SYT14: variants seen among roughly 807,000 people sequenced by gnomAD.
The protein encoded by SYT14 is synaptotagmin-14.
Under a neutral mutation model 74.2 loss-of-function variants are expected in SYT14, and 32 were observed. The observed-to-expected ratio is 0.43, with a 90% CI of 0.33 to 0.58. The LOEUF (loss-of-function observed/expected upper bound fraction) is 0.58, where lower values mean the gene tolerates loss of function less well. Among genes scored for constraint, SYT14 ranks in the 20% least tolerant of loss-of-function variants. The pLI, the probability that SYT14 is intolerant of heterozygous loss-of-function variation, is 0.05. For synonymous variants in SYT14, 298 were observed against 337.7 expected (o/e 0.88, Z 1.29); for missense variants, 791 against 981.8 (o/e 0.81, Z 2.60).
At chr1:209,988,982 C>G (rs1405658324) in intron 2 of SYT14, among the ~76,000 whole-genome samples, 1 of 152,188 alleles carries the variant, frequency 6.6e-6, no homozygotes, top group African/African-American at 2.4e-5. Flanking sequence ...CTCCTCAACA[C>G]TCACCTGACT....
intron 7 of SYT14, among the ~76,000 whole-genome samples, chr1:210,135,304 TG>T (rs748437833): frequency 1.3e-5 from 2 of 152,146 alleles, no homozygotes; most frequent in Non-Finnish European, 2.9e-5. Context: ...TTTTCCTCTG[TG>T]GTTTGATTTT....
intron 7 of SYT14, among the ~76,000 whole-genome samples, chr1:210,153,020 C>G (rs1255865810): frequency 4.6e-5 from 7 of 152,130 alleles, no homozygotes; most frequent in African/African-American, 1.4e-4. Context: ...GAACTCAGTA[C>G]AAACTATCCA....
At chr1:210,015,650 A>G (rs2080168588) in intron 3 of SYT14, 1 of 165,628 alleles carries the variant, frequency 6.0e-6, no homozygotes, top group Non-Finnish European at 1.3e-5. Flanking sequence ...CTAAAAGTAC[A>G]TAATAAAAAT....
intron 7 of SYT14, among the ~76,000 whole-genome samples, chr1:210,134,629 A>G (rs1315430171): frequency 3.9e-5 from 6 of 152,130 alleles, no homozygotes; most frequent in African/African-American, 1.4e-4. Flanking sequence ...TTTTGTCCTT[A>G]AACTCACCAT....
chr1:210,098,500 A>G (rs2082005770), intron 6 of SYT14, among the ~76,000 whole-genome samples: 1 of 152,062 alleles, frequency 6.6e-6, no homozygotes, highest in Non-Finnish European at 1.5e-5. Context: ...GCTGACCCAC[A>G]CTTCCTGTTT....
chr1:210,100,488 T>A (rs756422418), intron 7 of SYT14, 27 bp downstream of exon 6: 1 of 1,580,232 alleles, frequency 6.3e-7, no homozygotes, highest in South Asian at 1.1e-5. Context: ...ATGGCCTGAA[T>A]ACAGTTTATG....
At chr1:210,148,438 G>A (rs1446989395) in intron 7 of SYT14, among the ~76,000 whole-genome samples, 1 of 151,706 alleles carries the variant, frequency 6.6e-6, no homozygotes, top group Non-Finnish European at 1.5e-5. Context: ...GAACCCGGGA[G>A]GCGGAGCTTG....
chr1:210,134,795 T>G (rs2082748359), intron 7 of SYT14, among the ~76,000 whole-genome samples: 1 of 152,214 alleles, frequency 6.6e-6, no homozygotes, highest in Admixed American at 6.5e-5. Context: ...CTGGGTTCAT[T>G]GAGTTTCTCA....
At chr1:210,123,803 A>G (rs2102618118) in intron 7 of SYT14, among the ~76,000 whole-genome samples, 1 of 152,308 alleles carries the variant, frequency 6.6e-6, no homozygotes, top group African/African-American at 2.4e-5. Context: ...AAAATCCAGG[A>G]TAAACAGAAA....
At chr1:210,129,608 A>G (rs1181058318) in intron 7 of SYT14, among the ~76,000 whole-genome samples, 2 of 152,214 alleles carry the variant, frequency 1.3e-5, no homozygotes, top group East Asian at 1.9e-4. Flanking sequence ...TTTCTTGATA[A>G]TAATGTTCAC....
chr1:209,955,820 G>C (rs1000978294), intron 2 of SYT14, among the ~76,000 whole-genome samples: 3 of 152,092 alleles, frequency 2.0e-5, no homozygotes, highest in Non-Finnish European at 2.9e-5. Context: ...GAGACTCTGG[G>C]TGTAATCCAT....
chr1:209,973,597 A>T (rs1271303785), intron 2 of SYT14, among the ~76,000 whole-genome samples: 3 of 152,140 alleles, frequency 2.0e-5, no homozygotes, highest in Non-Finnish European at 4.4e-5. Flanking sequence ...ACATTTTCTT[A>T]ATCCAGTCTA....
chr1:210,030,316 G>C (rs574277351), intron 5 of SYT14, among the ~76,000 whole-genome samples: 2 of 151,774 alleles, frequency 1.3e-5, no homozygotes, highest in East Asian at 3.9e-4. Context: ...CCCATGCCCA[G>C]CTAATCTTTG....
chr1:210,070,829 T>C (rs151165823), intron 5 of SYT14, among the ~76,000 whole-genome samples: 63 of 152,040 alleles, frequency 4.1e-4, no homozygotes, highest in African/African-American at 1.4e-3. Flanking sequence ...TTGTCTCCAG[T>C]AGCAGTCATG....
chr1:210,135,610 GGTTTTA>G (rs1361404359), intron 7 of SYT14, among the ~76,000 whole-genome samples: 1 of 151,956 alleles, frequency 6.6e-6, no homozygotes, highest in East Asian at 1.9e-4. Flanking sequence ...CCTTAATATG[GGTTTTA>G]TTTTCCTTCT....
At chr1:210,055,912 C>T (rs1558157855) in intron 5 of SYT14, among the ~76,000 whole-genome samples, 1 of 152,114 alleles carries the variant, frequency 6.6e-6, no homozygotes, top group African/African-American at 2.4e-5. Flanking sequence ...ATTTAGAAAT[C>T]TCTTCTAAGT....
At position 210,092,786 on chromosome 1, in the gene SYT14, A is replaced by T. The variant is rs150331442; in HGVS notation, c.1313-1536A>T. 2.6e-5 allele frequency among the ~76,000 whole-genome samples: 4 copies of T among 152,332 alleles called. No individual in the cohort carries two copies. The East Asian group carries it at 7.7e-4, about 29-fold the overall frequency. ...CATCTGTGAATTCAACCAACCTCAGATGGAAAATATTTGAAAAAATGTATG... is the reference window on the plus strand; with the variant it reads ...CATCTGTGAATTCAACCAACCTCAGTTGGAAAATATTTGAAAAAATGTATG... On this transcript the variant is annotated intron_variant, in intron 5 of 9. Transcript: ENST00000637265.
At chr1:209,979,843 C>G (rs2079448114) in intron 2 of SYT14, among the ~76,000 whole-genome samples, 1 of 152,174 alleles carries the variant, frequency 6.6e-6, no homozygotes, top group South Asian at 2.1e-4. Flanking sequence ...TTTTCTTTAT[C>G]CAGTCCATCA....
At chr1:209,942,784 C>A (rs1332525089) in intron 1 of SYT14, among the ~76,000 whole-genome samples, 1 of 152,138 alleles carries the variant, frequency 6.6e-6, no homozygotes, top group Non-Finnish European at 1.5e-5. Flanking sequence ...GAAGACTCTG[C>A]AAACTGTTTT....
Sources: gnomAD v4.1 joint callset for allele counts (sites outside exome capture counted in the v4.1 genomes callset) on GRCh38, gnomAD v4.1.1 for gene constraint, MANE v1.5 for transcripts, NCBI Gene and HGNC (gene_info 2026-07-23, HGNC 2026-07-21) for gene names.